The following WNK3 variants were observed in gnomAD, a reference collection of about 807,000 sequenced individuals.
WNK3 encodes serine/threonine-protein kinase WNK3.
Under a neutral mutation model 116.7 loss-of-function variants are expected in WNK3, and 18 were observed. The ratio of observed to expected loss-of-function variants is 0.15; its 90% CI spans 0.11 to 0.23. WNK3 has a LOEUF of 0.23. Among genes scored for constraint, WNK3 ranks in the 10% least tolerant of loss-of-function variants. The pLI is 1.00. For synonymous variants in WNK3, 404 were observed against 469.4 expected, an observed-to-expected ratio of 0.86 and a Z score of 1.80; for missense variants, 993 against 1,323.8, an observed-to-expected ratio of 0.75 and a Z score of 3.88.
rs1348595297 is a variant in WNK3, at chrX:54,342,174, G to A, written c.-119-8382C>T. Among the ~76,000 whole-genome samples the A allele has an allele frequency of 3.6e-5, 4 of 111,641 alleles. No homozygotes were observed. In the Admixed American group the frequency reaches 3.9e-4, roughly 11 times the overall value. On this transcript the variant is annotated intron_variant, in intron 1 of 23. Coordinates refer to ENST00000354646, the Ensembl canonical transcript of WNK3. ...TCCCAGCTACTAAGGAGGCAGAGGTGGGAGGATCACTTGATCCCAGGAGGC... is the reference window on the plus strand; with the variant it reads ...TCCCAGCTACTAAGGAGGCAGAGGTAGGAGGATCACTTGATCCCAGGAGGC...
At chrX:54,208,647 G>A (rs2067580780) in intron 22 of WNK3, among the ~76,000 whole-genome samples, 1 of 111,761 alleles carries the variant, frequency 8.9e-6, no homozygotes, top group Non-Finnish European at 1.9e-5. Flanking sequence ...AGTGCTGGGA[G>A]TACAGGCATG....
Position 54,236,895 on chromosome X carries a change from C to T in WNK3, c.4628+43G>A, listed in dbSNP as rs1184814399. 2.6e-6 allele frequency: 3 copies of T among 1,151,042 alleles called. No individual in the cohort carries two copies. In the African/African-American group the frequency reaches 5.4e-5, roughly 21 times the overall value. 94.9% of individuals were successfully genotyped at this position (1,151,042 alleles called of 1,213,427 possible). On this transcript the variant is annotated intron_variant, in intron 20 of 23. Transcript: ENST00000354646. Reference sequence around the variant, plus strand: ...CAATCCAATACTAAGTTCTATAAAACCTAGGGCAACCAGATTTGTGACAAA... The same window carrying T: ...CAATCCAATACTAAGTTCTATAAAATCTAGGGCAACCAGATTTGTGACAAA...
intron 10 of WNK3, among the ~76,000 whole-genome samples, chrX:54,261,350 G>C (rs1409638725): frequency 9.0e-6 from 1 of 111,276 alleles, no homozygotes; most frequent in Non-Finnish European, 1.9e-5. Flanking sequence ...CTTCATGTGT[G>C]TGATTCCACA....
intron 2 of WNK3, among the ~76,000 whole-genome samples, chrX:54,321,093 C>G (rs782579461): frequency 9.2e-6 from 1 of 108,914 alleles, no homozygotes; most frequent in African/African-American, 3.3e-5. Context: ...GGAGGAGTTT[C>G]GCCATGTTGG....
At chrX:54,345,261 ACAAC>A (rs2069400628) in intron 1 of WNK3, among the ~76,000 whole-genome samples, 1 of 101,924 alleles carries the variant, frequency 9.8e-6, no homozygotes, top group Admixed American at 1.1e-4. Flanking sequence ...AACAACAACA[ACAAC>A]AACAACAACT....
intron 1 of WNK3, among the ~76,000 whole-genome samples, chrX:54,348,955 C>T (rs1236667602): frequency 1.8e-5 from 2 of 112,296 alleles, no homozygotes; most frequent in African/African-American, 6.5e-5. Context: ...AAGGAACTAA[C>T]AAGAGTTCAG....
At chrX:54,264,754 T>G (rs2068292139) in intron 10 of WNK3, among the ~76,000 whole-genome samples, 1 of 111,330 alleles carries the variant, frequency 9.0e-6, no homozygotes, top group African/African-American at 3.3e-5. Flanking sequence ...ACTGCCCCGT[T>G]AAGTGATCAA....
In WNK3 at chrX:54,198,522, TCCATA is replaced by T; in HGVS notation, c.5200_5204del (p.Tyr1734AsnfsTer8). Reference sequence around the variant, plus strand: ...CATTATACTGACAAACGTGAGGCATTCCATATGATGATAATGGCCCAGGAAATGAA... The same window carrying T: ...CATTATACTGACAAACGTGAGGCATTTGATGATAATGGCCCAGGAAATGAA... On this transcript the variant is annotated frameshift_variant, in exon 24 of 24. Transcript: ENST00000354646. LOFTEE classifies it high-confidence loss of function. 1 of 1,210,860 alleles carries T rather than the reference TCCATA, an allele frequency of 8.3e-7. No individual in the cohort carries two copies. Among genetic ancestry groups the T allele is most frequent in the Non-Finnish European group, 1.1e-6 (1 of 895,285 alleles).
intron 2 of WNK3, among the ~76,000 whole-genome samples, chrX:54,317,149 T>C (rs2068967175): frequency 9.4e-6 from 1 of 106,699 alleles, no homozygotes; most frequent in South Asian, 3.9e-4. Flanking sequence ...CTACAAAACA[T>C]GGATGAATCT....
In WNK3 at chrX:54,268,202, T is replaced by C. The variant is rs192990396; in HGVS notation, c.2038-8864A>G. On this transcript the variant is annotated intron_variant, in intron 10 of 23. Transcript: ENST00000354646. ...AGCAAACACACCCAATACTCAGGCT[T>C]TTTTTCTAAATTACATTACCCACTA... 4.8e-4 allele frequency among the ~76,000 whole-genome samples: 53 copies of C among 109,366 alleles called. No homozygotes were observed. In the East Asian group the frequency reaches 0.011, roughly 23 times the overall value. The allele number at this position is 109,366 out of a possible 115,157, so 95.0% of individuals were successfully genotyped here.
chrX:54,358,202 C>A (rs1001743262), upstream of WNK3, among the ~76,000 whole-genome samples: 2 of 110,995 alleles, frequency 1.8e-5, no homozygotes, highest in Non-Finnish European at 3.8e-5. Flanking sequence ...CCTCCCGCCC[C>A]CCTCGGCGCC....
chrX:54,301,767 C>T lies in WNK3; in HGVS notation c.1178+4G>A. The T allele has an allele frequency of 8.3e-7, 1 of 1,199,482 alleles. No homozygotes were observed. The highest frequency in any genetic ancestry group is 3.0e-5 in the East Asian group (1 of 33,655). On this transcript the variant is annotated splice_donor_region_variant and intron_variant, in intron 6 of 23. Transcript: ENST00000354646. Reference sequence around the variant, plus strand: ...TTATGTCATTTTGCTACAATTGCACCCACCTTTCAGATTTGTTTTGACGAA... The same window carrying T: ...TTATGTCATTTTGCTACAATTGCACTCACCTTTCAGATTTGTTTTGACGAA...
At chrX:54,312,598 C>T (rs782137720) in intron 2 of WNK3, among the ~76,000 whole-genome samples, 37 of 109,391 alleles carry the variant, frequency 3.4e-4, no homozygotes, top group South Asian at 3.2e-3. Context: ...CCACCACGCC[C>T]GGCTAATTTT....
At chrX:54,259,165 G>C (rs1603383926) in intron 11 of WNK3, 109 bp downstream of exon 11, 3 of 285,529 alleles carry the variant, frequency 1.1e-5, no homozygotes, top group Non-Finnish European at 1.8e-5. Context: ...ATCCACACAA[G>C]TACAAGAATA....
At chrX:54,215,116 C>CAAAA (rs60946524) in intron 22 of WNK3, among the ~76,000 whole-genome samples, 1 of 29,423 alleles carries the variant, frequency 3.4e-5, no homozygotes, top group East Asian at 1.1e-3. Flanking sequence ...GACTCCATCT[C>CAAAA]AAAAAAAAAA....
At chrX:54,216,624 G>C (rs1210551879) in intron 22 of WNK3, among the ~76,000 whole-genome samples, 1 of 111,646 alleles carries the variant, frequency 9.0e-6, no homozygotes, top group Admixed American at 9.6e-5. Flanking sequence ...GCCCACGAAA[G>C]ACCTAAGAAA....
Position 54,336,295 on chromosome X carries a change from G to C in WNK3, c.-119-2503C>G, listed in dbSNP as rs1046445533. ...AGATCTCACCACTGCACTCCAGCCT[G>C]GGTGACAGAGTGAGACTCTGTCTCA... On this transcript the variant is annotated intron_variant, in intron 1 of 23. Coordinates refer to ENST00000354646, the Ensembl canonical transcript of WNK3. Among the ~76,000 whole-genome samples the C allele has an allele frequency of 2.7e-5, 3 of 110,405 alleles. No individual in the cohort carries two copies. In the East Asian group the frequency reaches 8.6e-4, roughly 32 times the overall value.
At chrX:54,279,247 T>C (rs1557161765) in intron 10 of WNK3, among the ~76,000 whole-genome samples, 3 of 110,306 alleles carry the variant, frequency 2.7e-5, no homozygotes, top group Non-Finnish European at 5.7e-5. Flanking sequence ...TCACCAAAAT[T>C]TAAAACTTTT....
intron 1 of WNK3, among the ~76,000 whole-genome samples, chrX:54,348,517 T>C (rs2069469121): frequency 8.9e-6 from 1 of 111,884 alleles, no homozygotes; most frequent in Admixed American, 9.6e-5. Flanking sequence ...CTTTTATTTA[T>C]TTAAGTATAC....
Sources: allele counts gnomAD v4.1 joint callset (sites outside exome capture counted in the v4.1 genomes callset), GRCh38; gene constraint gnomAD v4.1.1; transcripts MANE v1.5; gene names NCBI Gene and HGNC (gene_info 2026-07-23, HGNC 2026-07-21).